CLVS1: variants seen among roughly 807,000 people sequenced by gnomAD.
CLVS1 encodes clavesin-1.
Under a neutral mutation model 33.1 loss-of-function variants are expected in CLVS1, and 10 were observed. That is an observed-to-expected ratio of 0.30 (90% CI 0.19 to 0.51). CLVS1 has a LOEUF of 0.51. Ranked by LOEUF, CLVS1 falls within the 20% of genes least tolerant of loss-of-function variation. The pLI is 0.97. For missense variants in CLVS1, 343 were observed against 433.4 expected, an observed-to-expected ratio of 0.79 and a Z score of 1.85; for synonymous variants, 163 against 166.1, an observed-to-expected ratio of 0.98 and a Z score of 0.14.
At chr8:61,130,109 G>A (rs1329990305) in intron 1 of CLVS1, among the ~76,000 whole-genome samples, 4 of 151,834 alleles carry the variant, frequency 2.6e-5, no homozygotes, top group African/African-American at 9.7e-5. Context: ...GTGATGGCAC[G>A]TGCCTGTAGT....
At chr8:61,345,194 AGGCAAGTTCCACTT>A (rs1812168462) in intron 2 of CLVS1, among the ~76,000 whole-genome samples, 2 of 152,188 alleles carry the variant, frequency 1.3e-5, no homozygotes, top group Admixed American at 1.3e-4. Flanking sequence ...AGCCAAGATG[AGGCAAGTTCCACTT>A]GGTTTCTCAA....
At chr8:61,357,105 AG>A (rs1261557718) in intron 2 of CLVS1, among the ~76,000 whole-genome samples, 4 of 152,088 alleles carry the variant, frequency 2.6e-5, no homozygotes, top group African/African-American at 9.7e-5. Flanking sequence ...AGTGGTTTGT[AG>A]TTCTCCTTGA....
At chr8:61,236,120 A>C (rs1478105932) in intron 2 of CLVS1, among the ~76,000 whole-genome samples, 1 of 152,146 alleles carries the variant, frequency 6.6e-6, no homozygotes, top group Non-Finnish European at 1.5e-5. Context: ...TTCTGAGGCG[A>C]GCTTCCTTCC....
chr8:61,437,616 A>G (rs977367532), intron 3 of CLVS1, among the ~76,000 whole-genome samples: 6 of 152,188 alleles, frequency 3.9e-5, no homozygotes, highest in East Asian at 1.9e-4. Context: ...ATGCAAGTTC[A>G]TTTTTTATAC....
At chr8:61,026,056 A>C in the CLVS1 span, among the ~76,000 whole-genome samples, 2 of 132,036 alleles carry the variant, frequency 1.5e-5, no homozygotes, top group Non-Finnish European at 3.1e-5. Flanking sequence ...CCTCCAATTC[A>C]CATGTTGAAG....
At chr8:61,471,442 T>C (rs546107217) in intron 5 of CLVS1, among the ~76,000 whole-genome samples, 1 of 152,316 alleles carries the variant, frequency 6.6e-6, no homozygotes, top group Admixed American at 6.5e-5. Flanking sequence ...GAGAAGCAGG[T>C]AATGATTATG....
chr8:61,032,391 C>G, the CLVS1 span, among the ~76,000 whole-genome samples: 2 of 152,210 alleles, frequency 1.3e-5, no homozygotes, highest in African/African-American at 4.8e-5. Flanking sequence ...CAAACTGCCA[C>G]TTCGCTATGG....
At chr8:61,046,310 A>G in the CLVS1 span, among the ~76,000 whole-genome samples, 1 of 146,412 alleles carries the variant, frequency 6.8e-6, no homozygotes. Context: ...GATATGCGGC[A>G]TTATTTCTGA....
chr8:61,261,975 CGTGTGTGTGTGTGTGT>C (rs57278209), intron 2 of CLVS1, among the ~76,000 whole-genome samples: 3,192 of 111,030 alleles, frequency 0.029, 83 homozygotes, highest in African/African-American at 0.063. Flanking sequence ...CTCATTGCTG[CGTGTGTGTGTGTGTGT>C]GTGTGTGTGT....
At chr8:61,381,391 A>G (rs1164899028) in intron 3 of CLVS1, among the ~76,000 whole-genome samples, 1 of 152,024 alleles carries the variant, frequency 6.6e-6, no homozygotes, top group Admixed American at 6.6e-5. Flanking sequence ...AGTGTCCTTT[A>G]TTTATTTAAT....
At chr8:61,269,710 T>C (rs1290772152) in intron 2 of CLVS1, among the ~76,000 whole-genome samples, 3 of 147,356 alleles carry the variant, frequency 2.0e-5, no homozygotes, top group Non-Finnish European at 4.5e-5. Context: ...TGGTTTGTAG[T>C]TCTCCTTGAA....
At chr8:61,105,372 AT>A (rs1408891650) in intron 1 of CLVS1, among the ~76,000 whole-genome samples, 1 of 152,178 alleles carries the variant, frequency 6.6e-6, no homozygotes, top group Non-Finnish European at 1.5e-5. Flanking sequence ...TTTCTAACTG[AT>A]TTCTCTGACC....
At chr8:61,308,516 A>G (rs1275758465) in intron 2 of CLVS1, among the ~76,000 whole-genome samples, 1 of 152,106 alleles carries the variant, frequency 6.6e-6, no homozygotes, top group African/African-American at 2.4e-5. Context: ...GCTTCTTAGA[A>G]AGAGCACAGT....
At chr8:61,434,182 C>T (rs1816226513) in intron 3 of CLVS1, among the ~76,000 whole-genome samples, 1 of 152,092 alleles carries the variant, frequency 6.6e-6, no homozygotes, top group African/African-American at 2.4e-5. Context: ...TCATCAAGGT[C>T]CCCAGACCCA....
At chr8:61,475,433 T>C (rs1444136100) in intron 5 of CLVS1, among the ~76,000 whole-genome samples, 1 of 152,214 alleles carries the variant, frequency 6.6e-6, no homozygotes, top group Non-Finnish European at 1.5e-5. Context: ...GTCTTCCTAT[T>C]TCTCCACACC....
At position 61,325,183 on chromosome 8, in the gene CLVS1, A is replaced by C. The variant is rs60876727; in HGVS notation, c.455+24901A>C. On this transcript the variant is annotated intron_variant, in intron 2 of 5. Coordinates refer to ENST00000325897, the MANE Select transcript of CLVS1 (RefSeq NM_173519.3). ...TGAGACATCTTTTCTTTTCCTTAAG[A>C]AATAACCTATGTACACACACATACA... 3.6e-3 allele frequency among the ~76,000 whole-genome samples: 545 copies of C among 151,978 alleles called. 3 individuals carry two copies. Among genetic ancestry groups the C allele is most frequent in the African/African-American group, 0.012 (505 of 41,400 alleles).
chr8:61,142,061 C>T (rs1806317049), intron 2 of CLVS1, among the ~76,000 whole-genome samples: 1 of 152,160 alleles, frequency 6.6e-6, no homozygotes, highest in Non-Finnish European at 1.5e-5. Context: ...TGTGCAGACC[C>T]TCTTTGTAAC....
intron 2 of CLVS1, among the ~76,000 whole-genome samples, chr8:61,262,742 G>A (rs1475584883): frequency 6.6e-6 from 1 of 152,164 alleles, no homozygotes; most frequent in Non-Finnish European, 1.5e-5. Flanking sequence ...TGCAGGCAGA[G>A]TGCACAGTGA....
At chr8:61,449,469 T>C in intron 3 of CLVS1, among the ~76,000 whole-genome samples, 1 of 152,200 alleles carries the variant, frequency 6.6e-6, no homozygotes, top group East Asian at 1.9e-4. Flanking sequence ...GCAGGGATGT[T>C]ATGCATCTTG....
Sources: allele counts gnomAD v4.1 joint callset (sites outside exome capture counted in the v4.1 genomes callset), GRCh38; gene constraint gnomAD v4.1.1; transcripts MANE v1.5; gene names NCBI Gene and HGNC (gene_info 2026-07-23, HGNC 2026-07-21).